Variants in ITGAV observed in about 807,000 individuals in gnomAD.
The protein encoded by ITGAV is integrin subunit alpha V.
A neutral mutation model predicts 143.8 loss-of-function variants in ITGAV; 76 were observed. The ratio of observed to expected loss-of-function variants is 0.53; its 90% CI spans 0.44 to 0.64. The LOEUF is 0.64. ITGAV is among the 30% of genes least tolerant of loss of function. ITGAV has a pLI of 0.00. For missense variants in ITGAV, 1,193 were observed against 1,274.7 expected, an observed-to-expected ratio of 0.94 and a Z score of 0.98; for synonymous variants, 453 against 446.7, an observed-to-expected ratio of 1.01 and a Z score of -0.18.
rs1007161818 is a variant in ITGAV at position 186,677,583 on chromosome 2, T to C, written c.*291T>C. On this transcript the variant is annotated 3_prime_UTR_variant, in exon 30 of 30. Coordinates refer to ENST00000261023, the MANE Select transcript of ITGAV (RefSeq NM_002210.5). The stretch of plus-strand genomic sequence containing the variant: ...ACAGGTAGTGCCTGATTTACTACTT[T>C]ATATAAAATAGTACCTCCTTCAGTT... The C allele has an allele frequency of 4.4e-6, 1 of 227,298 alleles. No homozygotes were observed. Among genetic ancestry groups the C allele is most frequent in the Non-Finnish European group, 8.7e-6 (1 of 114,588 alleles). The allele number at this position is 227,298 out of a possible 1,614,324, so 14.1% of individuals were successfully genotyped here.
intron 2 of ITGAV, among the ~76,000 whole-genome samples, chr2:186,607,948 G>A (rs547129214): frequency 6.6e-6 from 1 of 152,234 alleles, no homozygotes; most frequent in South Asian, 2.1e-4. Flanking sequence ...CACAAAACTG[G>A]CATGTGTTTT....
At chr2:186,646,986 A>G (rs1450353642) in intron 13 of ITGAV, 109 bp downstream of exon 13, 4 of 772,572 alleles carry the variant, frequency 5.2e-6, no homozygotes, top group South Asian at 2.5e-5. Context: ...TCAGTATTTC[A>G]TATGTTGATC....
intron 4 of ITGAV, among the ~76,000 whole-genome samples, chr2:186,625,888 T>C (rs932813882): frequency 6.6e-6 from 1 of 152,128 alleles, no homozygotes; most frequent in South Asian, 2.1e-4. Flanking sequence ...AGATGCTTAG[T>C]TGAACTTCTC....
intron 1 of ITGAV, among the ~76,000 whole-genome samples, chr2:186,597,826 G>T (rs1360514284): frequency 6.6e-6 from 1 of 152,278 alleles, no homozygotes; most frequent in South Asian, 2.1e-4. Context: ...AAGGGATCTA[G>T]GTTACATGCT....
At chr2:186,601,204 G>A (rs890698027) in intron 1 of ITGAV, among the ~76,000 whole-genome samples, 2 of 151,884 alleles carry the variant, frequency 1.3e-5, no homozygotes, top group African/African-American at 4.8e-5. Context: ...GAATTGATTA[G>A]ATTAATCTTG....
chr2:186,649,970 G>A, intron 14 of ITGAV, 85 bp downstream of exon 14: 1 of 887,288 alleles, frequency 1.1e-6, no homozygotes, highest in Non-Finnish European at 1.7e-6. Context: ...TTGAATTTTA[G>A]TTTAATTTTC....
Position 186,680,111 on chromosome 2 carries a change from T to G in ITGAV, c.*2819T>G, listed in dbSNP as rs1689313364. Reference sequence around the variant, plus strand: ...GATCTTCCTAAGTTGCAAAATGTAATGATGAGCTTGGTGGAGAAGAATGAG... The same window carrying G: ...GATCTTCCTAAGTTGCAAAATGTAAGGATGAGCTTGGTGGAGAAGAATGAG... On this transcript the variant is annotated 3_prime_UTR_variant, in exon 30 of 30. Coordinates refer to ENST00000261023, the MANE Select transcript of ITGAV (RefSeq NM_002210.5). The G allele has an allele frequency of 1.3e-5, 2 of 152,112 alleles. No homozygotes were observed. The highest frequency in any genetic ancestry group is 4.1e-4 in the South Asian group (2 of 4,834). The allele number at this position is 152,112 out of a possible 1,614,324, so 9.4% of individuals were successfully genotyped here.
intron 12 of ITGAV, among the ~76,000 whole-genome samples, chr2:186,645,142 A>G (rs1242469951): frequency 6.6e-6 from 1 of 152,184 alleles, no homozygotes; most frequent in Non-Finnish European, 1.5e-5. Context: ...AGTGATAAAG[A>G]TGATGGATTT....
rs1688277704 is a variant in ITGAV, at chr2:186,646,858, A to G, written c.1332A>G (p.Ile444Met). The G allele has an allele frequency of 3.1e-6, 5 of 1,590,328 alleles. No individual in the cohort carries two copies. In the East Asian group the frequency reaches 1.1e-4, roughly 36 times the overall value. ...ATTCAATGAAAGGAGCCACAGATAT[A>G]GACAAAAATGGATATCCAGGTGCTT... ...FGYSMKGATDIDKNGYPDLIV... is the reference protein window; with the variant it reads ...FGYSMKGATDMDKNGYPDLIV... The change falls in exon 13 of 30, where the codon ATA becomes ATG. Residue 444 changes from isoleucine (I) to methionine (M), a missense_variant. Transcript: ENST00000261023.
chr2:186,600,113 G>C (rs1686857550), intron 1 of ITGAV: 2 of 482,464 alleles, frequency 4.1e-6, no homozygotes, highest in African/African-American at 4.0e-5. Flanking sequence ...TTTAACCATG[G>C]CCAAAAGGCC....
At chr2:186,634,085 A>G (rs1687890778) in intron 6 of ITGAV, among the ~76,000 whole-genome samples, 1 of 152,198 alleles carries the variant, frequency 6.6e-6, no homozygotes, top group African/African-American at 2.4e-5. Flanking sequence ...TTTAAAAAAT[A>G]TTAAACTGGC....
At chr2:186,660,778 T>C (rs1688724081) in intron 18 of ITGAV, among the ~76,000 whole-genome samples, 1 of 152,172 alleles carries the variant, frequency 6.6e-6, no homozygotes, top group Admixed American at 6.5e-5. Context: ...ATTGATTCTC[T>C]CCTAATTTTG....
chr2:186,600,467 A>T, intron 1 of ITGAV: 1 of 1,509,800 alleles, frequency 6.6e-7, no homozygotes, highest in Non-Finnish European at 9.0e-7. Context: ...TTCCTTAGAG[A>T]GACTTTCCTT....
intron 1 of ITGAV, chr2:186,600,328 T>C: frequency 9.5e-7 from 1 of 1,050,634 alleles, no homozygotes; most frequent in Non-Finnish European, 1.4e-6. Flanking sequence ...CCATCCTCAA[T>C]ACACAAATGC....
At chr2:186,659,010 C>G in intron 17 of ITGAV, 28 bp from the exon 18 acceptor site, 1 of 1,584,634 alleles carries the variant, frequency 6.3e-7, no homozygotes, top group South Asian at 1.1e-5. Flanking sequence ...TTGACGTTAT[C>G]ATTAATTCAA....
At chr2:186,598,688 C>A (rs1344566768) in intron 1 of ITGAV, among the ~76,000 whole-genome samples, 1 of 152,134 alleles carries the variant, frequency 6.6e-6, no homozygotes, top group South Asian at 2.1e-4. Flanking sequence ...CTCAGCCGCC[C>A]AAAGTGTTGG....
chr2:186,598,616 T>G (rs1686814475), intron 1 of ITGAV, among the ~76,000 whole-genome samples: 1 of 152,004 alleles, frequency 6.6e-6, no homozygotes, highest in Non-Finnish European at 1.5e-5. Flanking sequence ...TTTTATATTT[T>G]TAGTAGAGAT....
Position 186,659,188 on chromosome 2 carries a change from GT to G in ITGAV, c.1857+16del. ...CATTAGTCGACAGGTACTGTACTCA[GT>G]TTACCACTAATGTGATATTTTGTTA... On this transcript the variant is annotated intron_variant, in intron 18 of 29. Coordinates refer to ENST00000261023, the MANE Select transcript of ITGAV (RefSeq NM_002210.5). 1 of 1,504,324 alleles carries G rather than the reference GT, an allele frequency of 6.6e-7. No individual in the cohort carries two copies. Among genetic ancestry groups the G allele is most frequent in the Non-Finnish European group, 8.9e-7 (1 of 1,126,550 alleles). 93.2% of individuals were successfully genotyped at this position (1,504,324 alleles called of 1,614,324 possible). A position where few individuals can be genotyped will look rare whatever the true frequency, so the allele number is the denominator to read the frequency against.
At chr2:186,671,388 G>A (rs554326380) in intron 26 of ITGAV, among the ~76,000 whole-genome samples, 1 of 151,974 alleles carries the variant, frequency 6.6e-6, no homozygotes, top group Admixed American at 6.6e-5. Flanking sequence ...ATAGCCCCAA[G>A]CATGTTTATT....
Sources: gnomAD v4.1 joint callset for allele counts (sites outside exome capture counted in the v4.1 genomes callset) on GRCh38, gnomAD v4.1.1 for gene constraint, MANE v1.5 for transcripts, NCBI Gene and HGNC (gene_info 2026-07-23, HGNC 2026-07-21) for gene names.